Variants in SSH1 observed in about 807,000 individuals in gnomAD.
SSH1 encodes the protein protein phosphatase Slingshot homolog 1.
In SSH1, 43 loss-of-function variants were observed where a neutral mutation model predicts 79.7. The observed-to-expected ratio is 0.54, with a 90% confidence interval of 0.42 to 0.70. SSH1 has a LOEUF of 0.70. Among genes scored for constraint, SSH1 ranks in the 30% least tolerant of loss-of-function variants. SSH1 has a pLI of 0.00. For synonymous variants in SSH1, 599 were observed against 538.3 expected (o/e 1.11, Z -1.56); for missense variants, 1,206 against 1,358.8 (o/e 0.89, Z 1.77).
Position 108,782,628 on chromosome 12 carries a change from G to A in SSH1, c.*5360C>T, listed in dbSNP as rs1033679950. ...CCATGTCAATGACGATGATGATGAC[G>A]ATGTATCAGACTGTTTTGGCAAGGG... On this transcript the variant is annotated 3_prime_UTR_variant, in exon 15 of 15. Coordinates refer to ENST00000326495, the MANE Select transcript of SSH1 (RefSeq NM_018984.4). 3 of 151,760 alleles carry A rather than the reference G, an allele frequency of 2.0e-5. No individual in the cohort carries two copies. Among genetic ancestry groups the A allele is most frequent in the Admixed American group, 1.3e-4 (2 of 15,076 alleles). 9.4% of individuals were successfully genotyped at this position (151,760 alleles called of 1,614,324 possible).
chr12:108,783,521 G>A lies in SSH1; in HGVS notation c.*4467C>T, dbSNP rs1482410547. The A allele has an allele frequency of 2.0e-5, 3 of 152,246 alleles. No individual in the cohort carries two copies. The highest frequency in any genetic ancestry group is 7.2e-5 in the African/African-American group (3 of 41,470). 9.4% of individuals were successfully genotyped at this position (152,246 alleles called of 1,614,324 possible). A position where few individuals can be genotyped will look rare whatever the true frequency, so the allele number is the denominator to read the frequency against. On this transcript the variant is annotated 3_prime_UTR_variant, in exon 15 of 15. Coordinates refer to ENST00000326495, the MANE Select transcript of SSH1 (RefSeq NM_018984.4). ...AGCAAGGCCGACAGGAAGGACAGTG[G>A]AGGACTGGTGATCTGCTTATCGGGA...
chr12:108,854,871 A>G (rs538137039), intron 1 of SSH1, among the ~76,000 whole-genome samples: 4 of 152,326 alleles, frequency 2.6e-5, no homozygotes, highest in African/African-American at 9.6e-5. Context: ...TCCTGACCCC[A>G]TACACACTTG....
At chr12:108,819,122 A>T (rs1375097305) in intron 3 of SSH1, among the ~76,000 whole-genome samples, 3 of 152,128 alleles carry the variant, frequency 2.0e-5, no homozygotes, top group African/African-American at 7.2e-5. Flanking sequence ...GGCGGGGGGA[A>T]ATGTTTAAGT....
chr12:108,807,043 G>A lies in SSH1; in HGVS notation c.731+590C>T, dbSNP rs1009563960. On this transcript the variant is annotated intron_variant, in intron 8 of 14. Transcript: ENST00000326495. The surrounding 1 kb of genome is among the most constrained non-coding windows in gnomAD (Gnocchi z 5.2). The stretch of plus-strand genomic sequence containing the variant: ...GTCCTGGAGGAACACCACACTGTGG[G>A]AGCAGGGTCCTGACCCCGAGGGGAG... Among the ~76,000 whole-genome samples the A allele has an allele frequency of 4.6e-5, 7 of 152,174 alleles. No homozygotes were observed. The highest frequency in any genetic ancestry group is 1.0e-4 in the Non-Finnish European group (7 of 68,034).
At chr12:108,816,373 G>A (rs1387208726) in intron 5 of SSH1, among the ~76,000 whole-genome samples, 2 of 152,238 alleles carry the variant, frequency 1.3e-5, no homozygotes, top group Non-Finnish European at 2.9e-5. Context: ...GATGAATAAA[G>A]GGAATCTAAT....
In SSH1 at chr12:108,800,913, A is replaced by G; in HGVS notation, c.1015T>C (p.Leu339=). 6.2e-7 allele frequency: 1 copy of G among 1,613,962 alleles called. No individual in the cohort carries two copies. Among genetic ancestry groups the G allele is most frequent in the Non-Finnish European group, 8.5e-7 (1 of 1,179,894 alleles). Residue 339 remains leucine, a synonymous_variant, in exon 12 of 15, where the codon TTA becomes CTA. Coordinates refer to ENST00000326495, the MANE Select transcript of SSH1 (RefSeq NM_018984.4). ...ELQGSGVDYI[L]NVTREIDNFF... ...TTATCGATTTCTCTGGTAACATTTAAAATGTAATCAACCCTGCAATGAGAA... is the reference window on the plus strand; with the variant it reads ...TTATCGATTTCTCTGGTAACATTTAGAATGTAATCAACCCTGCAATGAGAA...
intron 2 of SSH1, among the ~76,000 whole-genome samples, chr12:108,839,276 C>T (rs1336534899): frequency 2.0e-5 from 3 of 152,184 alleles, no homozygotes; most frequent in Non-Finnish European, 4.4e-5. Context: ...GTCCCCAGGG[C>T]CTGGGAATTA....
At chr12:108,837,085 A>G in intron 2 of SSH1, 1 of 392,294 alleles carries the variant, frequency 2.5e-6, no homozygotes, top group Non-Finnish European at 5.3e-6. Context: ...TACAAAAATT[A>G]GCCGAGCGTG....
At chr12:108,801,448 G>A (rs992737957) in intron 11 of SSH1, among the ~76,000 whole-genome samples, 1 of 151,956 alleles carries the variant, frequency 6.6e-6, no homozygotes, top group African/African-American at 2.4e-5. Context: ...TTTTACTTCT[G>A]GAAGAAAATA....
chr12:108,807,586 G>C lies in SSH1; in HGVS notation c.731+47C>G, dbSNP rs955888304. The C allele has an allele frequency of 1.9e-6, 3 of 1,592,772 alleles. No homozygotes were observed. In the East Asian group the frequency reaches 6.7e-5, roughly 36 times the overall value. Reference sequence around the variant, plus strand: ...GCACAGGGCAGGTGGGGGAGAGGCAGGTGCCTGTGGGCTTGGGTGCGCTCA... The same window carrying C: ...GCACAGGGCAGGTGGGGGAGAGGCACGTGCCTGTGGGCTTGGGTGCGCTCA... On this transcript the variant is annotated intron_variant, in intron 8 of 14. Transcript: ENST00000326495. The surrounding 1 kb of genome is among the most constrained non-coding windows in gnomAD (Gnocchi z 5.2).
intron 13 of SSH1, among the ~76,000 whole-genome samples, chr12:108,798,495 G>A (rs1239570729): frequency 6.6e-6 from 1 of 152,178 alleles, no homozygotes; most frequent in Non-Finnish European, 1.5e-5. Context: ...CATGTCCCAG[G>A]CCCAGCTAAG....
Position 108,807,872 on chromosome 12 carries a change from G to T in SSH1, c.537-45C>A. The stretch of plus-strand genomic sequence containing the variant: ...GGGTCAGGCCTGGGAAGGCACAAGA[G>T]ATGCAGGGTTTTCTCCTCTGACAAA... On this transcript the variant is annotated intron_variant, in intron 7 of 14. Coordinates refer to ENST00000326495, the MANE Select transcript of SSH1 (RefSeq NM_018984.4). This position sits in a 1 kb window ranked among gnomAD's most constrained non-coding sequence, Gnocchi z 5.2. 9 of 1,583,512 alleles carry T rather than the reference G, an allele frequency of 5.7e-6. No homozygotes were observed. The highest frequency in any genetic ancestry group is 7.8e-6 in the Non-Finnish European group (9 of 1,154,346).
chr12:108,834,603 G>T, intron 2 of SSH1, among the ~76,000 whole-genome samples: 1 of 152,154 alleles, frequency 6.6e-6, no homozygotes, highest in East Asian at 1.9e-4. Flanking sequence ...TGTTATCCTC[G>T]GCAAAGGCGG....
rs142020150 is a variant in SSH1, at chr12:108,807,716, G to A, written c.648C>T (p.Ser216=). ...WATYYESCIS[S]EQSCINEWNA... ...TCCACTCGTTGATGCAGCTCTGCTC[G>A]GAGCTGATGCAGCTCTCATAGTAGG... The change falls in exon 8 of 15, where the codon TCC becomes TCT. Residue 216 remains serine (S), a synonymous_variant. Coordinates refer to ENST00000326495, the MANE Select transcript of SSH1 (RefSeq NM_018984.4). This position sits in a 1 kb window ranked among gnomAD's most constrained non-coding sequence, Gnocchi z 5.2. The A allele has an allele frequency of 1.2e-5, 19 of 1,613,158 alleles. 1 individual carries two copies. Among genetic ancestry groups the A allele is most frequent in the African/African-American group, 6.7e-5 (5 of 74,798 alleles).
chr12:108,803,779 A>G (rs1003905757), intron 10 of SSH1, among the ~76,000 whole-genome samples: 11 of 152,212 alleles, frequency 7.2e-5, no homozygotes, highest in African/African-American at 2.7e-4. Flanking sequence ...ATCAGTGCCC[A>G]GGACTGCCCA....
rs202118534 is a variant in SSH1, at chr12:108,800,762, G to C, written c.1148+18C>G. On this transcript the variant is annotated intron_variant, in intron 12 of 14. Coordinates refer to ENST00000326495, the MANE Select transcript of SSH1 (RefSeq NM_018984.4). ...GCAGGTTGGTTTCATCCTCAGCCCC[G>C]CCTCTCTGTCCACTTACTTCGCTTT... 2 of 1,610,682 alleles carry C rather than the reference G, an allele frequency of 1.2e-6. No individual in the cohort carries two copies. Among genetic ancestry groups the C allele is most frequent in the Non-Finnish European group, 1.7e-6 (2 of 1,178,364 alleles).
At chr12:108,829,931 A>G (rs115886583) in intron 2 of SSH1, among the ~76,000 whole-genome samples, 3,184 of 152,186 alleles carry the variant, frequency 0.021, 125 homozygotes, top group African/African-American at 0.073. Context: ...ACAAGATCCC[A>G]TCTCTACAAA....
intron 5 of SSH1, among the ~76,000 whole-genome samples, chr12:108,813,806 G>A (rs2037751401): frequency 6.6e-6 from 1 of 151,010 alleles, no homozygotes; most frequent in Admixed American, 6.6e-5. Context: ...GAAAGGGAAG[G>A]GAAGCGAAGG....
chr12:108,831,187 T>C (rs1433695961), intron 2 of SSH1, among the ~76,000 whole-genome samples: 2 of 152,196 alleles, frequency 1.3e-5, no homozygotes, highest in Non-Finnish European at 2.9e-5. Context: ...TGGGACAGGC[T>C]GAGACAAACG....
Sources: allele counts gnomAD v4.1 joint callset (sites outside exome capture counted in the v4.1 genomes callset), GRCh38; gene constraint gnomAD v4.1.1; non-coding constraint Gnocchi (gnomAD v3.1); transcripts MANE v1.5; gene names NCBI Gene and HGNC (gene_info 2026-07-23, HGNC 2026-07-21).